Variants in CELSR1 observed in about 807,000 individuals in gnomAD.
CELSR1 encodes cadherin EGF LAG seven-pass G-type receptor 1.
CELSR1 carries 110 observed loss-of-function variants against 249.1 expected under a neutral mutation model. The observed-to-expected ratio is 0.44, with a 90% CI of 0.38 to 0.52. CELSR1 has a LOEUF of 0.52. CELSR1 is among the 20% of genes least tolerant of loss of function. The pLI is 0.00. For missense variants in CELSR1, 4,109 were observed against 4,296.4 expected, an observed-to-expected ratio of 0.96 and a Z score of 1.22; for synonymous variants, 2,113 against 1,900.0, an observed-to-expected ratio of 1.11 and a Z score of -2.92.
intron 20 of CELSR1, among the ~76,000 whole-genome samples, chr22:46,382,711 C>A (rs1439769501): frequency 6.6e-6 from 1 of 152,202 alleles, no homozygotes; most frequent in African/African-American, 2.4e-5. Flanking sequence ...GAATATTACT[C>A]AGCCTTCAAA....
At position 46,395,924 on chromosome 22, in the gene CELSR1, C is replaced by G; in HGVS notation, c.5843+681G>C. Among the ~76,000 whole-genome samples, 1 of 152,214 alleles carries G rather than the reference C, an allele frequency of 6.6e-6. No individual in the cohort carries two copies. Among genetic ancestry groups the G allele is most frequent in the East Asian group, 1.9e-4 (1 of 5,200 alleles). On this transcript the variant is annotated intron_variant, in intron 13 of 34. Transcript: ENST00000674500. The surrounding 1 kb of genome is among the most constrained non-coding windows in gnomAD (Gnocchi z 5.5). ...CTGCCTGTCCTAACCACACTAGGATCTCCGCACACATCAGAAATGACTTCA... is the reference window on the plus strand; with the variant it reads ...CTGCCTGTCCTAACCACACTAGGATGTCCGCACACATCAGAAATGACTTCA...
chr22:46,425,590 C>A (rs927309203), intron 5 of CELSR1, among the ~76,000 whole-genome samples: 1 of 152,082 alleles, frequency 6.6e-6, no homozygotes, highest in Non-Finnish European at 1.5e-5. Flanking sequence ...ATTAATTATT[C>A]CCTTATTACC....
In CELSR1 at chr22:46,428,122, G is replaced by A. The variant is rs1208857466; in HGVS notation, c.4611+5271C>T. On this transcript the variant is annotated intron_variant, in intron 5 of 34. Transcript: ENST00000674500. The surrounding 1 kb of genome is among the most constrained non-coding windows in gnomAD (Gnocchi z 5.7). ...AAATCTCAAAGCACTTACATCCTCT[G>A]CTCAACAGAAGCAGAGGCCGGTCCT... Among the ~76,000 whole-genome samples, 1 of 152,188 alleles carries A rather than the reference G, an allele frequency of 6.6e-6. No individual in the cohort carries two copies. The highest frequency in any genetic ancestry group is 2.4e-5 in the African/African-American group (1 of 41,440).
chr22:46,505,536 G>A (rs573068337), intron 1 of CELSR1, among the ~76,000 whole-genome samples: 1 of 152,058 alleles, frequency 6.6e-6, no homozygotes, highest in East Asian at 1.9e-4. Context: ...TGGGAGGACT[G>A]CTTGAGCCTG....
At chr22:46,495,994 G>A (rs1309467974) in intron 1 of CELSR1, among the ~76,000 whole-genome samples, 1 of 151,886 alleles carries the variant, frequency 6.6e-6, no homozygotes, top group Non-Finnish European at 1.5e-5. Context: ...AGGAGTTCAA[G>A]ACCACCCTGG....
At chr22:46,379,839 C>T (rs575691233) in intron 22 of CELSR1, among the ~76,000 whole-genome samples, 2 of 152,190 alleles carry the variant, frequency 1.3e-5, no homozygotes, top group Admixed American at 6.5e-5. Flanking sequence ...CTCCCCTTCC[C>T]GGCACTCCCT....
intron 2 of CELSR1, among the ~76,000 whole-genome samples, chr22:46,460,567 C>T (rs2080013787): frequency 6.6e-6 from 1 of 152,168 alleles, no homozygotes; most frequent in Non-Finnish European, 1.5e-5. Flanking sequence ...AACACAACTA[C>T]GATGTTTACA....
chr22:46,528,180 C>T (rs1177597076), intron 1 of CELSR1, among the ~76,000 whole-genome samples: 1 of 152,112 alleles, frequency 6.6e-6, no homozygotes, highest in Non-Finnish European at 1.5e-5. Context: ...CCAGACAATG[C>T]CTGAACAGTA....
chr22:46,450,921 C>T (rs928742820), intron 2 of CELSR1, among the ~76,000 whole-genome samples: 2 of 152,230 alleles, frequency 1.3e-5, no homozygotes, highest in African/African-American at 4.8e-5. Flanking sequence ...TGAAACAGCT[C>T]ATTTGGTACG....
rs1296950297 is a variant in CELSR1, at chr22:46,428,701, G to C, written c.4611+4692C>G. On this transcript the variant is annotated intron_variant, in intron 5 of 34. Transcript: ENST00000674500. This position sits in a 1 kb window ranked among gnomAD's most constrained non-coding sequence, Gnocchi z 5.7. ...CGGCAGTGCCCAGGTGGGAAATCCTGACGCGGCTGCTCACCGCCTCCCACA... is the reference window on the plus strand; with the variant it reads ...CGGCAGTGCCCAGGTGGGAAATCCTCACGCGGCTGCTCACCGCCTCCCACA... 6.6e-6 allele frequency among the ~76,000 whole-genome samples: 1 copy of C among 152,228 alleles called. No individual in the cohort carries two copies. Among genetic ancestry groups the C allele is most frequent in the Non-Finnish European group, 1.5e-5 (1 of 68,040 alleles).
chr22:46,381,896 G>T lies in CELSR1; in HGVS notation c.7038C>A (p.Thr2346=), dbSNP rs1316930593. Residue 2346 remains threonine (T), a synonymous_variant, in exon 21 of 35, where the codon ACC becomes ACA. Coordinates refer to ENST00000674500, the MANE Select transcript of CELSR1 (RefSeq NM_001378328.1). This position sits in a 1 kb window ranked among gnomAD's most constrained non-coding sequence, Gnocchi z 6.0. ...AGCGCTCGGGCAGGAGCTGCCCCAG[G>T]GTGCGGTAAATGATGACCAGAGCGA... ...FAVALVIIYR[T]LGQLLPERYD... is the part of the protein sequence containing the mutation. The T allele has an allele frequency of 6.3e-7, 1 of 1,575,536 alleles. No individual in the cohort carries two copies. The highest frequency in any genetic ancestry group is 1.8e-5 in the Admixed American group (1 of 55,048).
chr22:46,377,406 C>T (rs992604830), intron 23 of CELSR1, 145 bp from the exon 24 acceptor site: 5 of 877,606 alleles, frequency 5.7e-6, no homozygotes, highest in African/African-American at 5.0e-5. Context: ...GCCGAGTGCT[C>T]ATGGCTCTGG....
chr22:46,380,979 G>C lies in CELSR1; in HGVS notation c.7089-24C>G. 1 of 1,607,412 alleles carries C rather than the reference G, an allele frequency of 6.2e-7. No homozygotes were observed. Among genetic ancestry groups the C allele is most frequent in the Non-Finnish European group, 8.5e-7 (1 of 1,175,536 alleles). ...ACCTGAGGTCAAGAAGCCAGAGCAT[G>C]GGGACAAACACGGTGAGGAAACATC... is the stretch of plus-strand genomic sequence containing the variant. On this transcript the variant is annotated intron_variant, in intron 21 of 34. Transcript: ENST00000674500. The surrounding 1 kb of genome is among the most constrained non-coding windows in gnomAD (Gnocchi z 5.1).
intron 5 of CELSR1, among the ~76,000 whole-genome samples, chr22:46,416,834 T>C (rs988078967): frequency 1.3e-5 from 2 of 152,148 alleles, no homozygotes; most frequent in Non-Finnish European, 2.9e-5. Flanking sequence ...GCTGGGAGTT[T>C]CTGTGTGCGC....
In CELSR1 at chr22:46,393,812, C is replaced by G. The variant is rs113530356; in HGVS notation, c.5964+330G>C. On this transcript the variant is annotated intron_variant, in intron 14 of 34. Transcript: ENST00000674500. The surrounding 1 kb of genome is among the most constrained non-coding windows in gnomAD (Gnocchi z 4.1). ...GGGCCGGGGTGGTGCCATAGATGAG[C>G]CAGCCCTCAGAAACGGGTGGGCTTC... 0.045 allele frequency among the ~76,000 whole-genome samples: 6,767 copies of G among 151,398 alleles called. 199 individuals are homozygous for G. The highest frequency in any genetic ancestry group is 0.068 in the Non-Finnish European group (4,653 of 67,938).
In CELSR1 at chr22:46,526,333, G is replaced by A. The variant is rs9616040; in HGVS notation, c.3544+7294C>T. 2.0e-5 allele frequency among the ~76,000 whole-genome samples: 3 copies of A among 152,036 alleles called. No homozygotes were observed. The highest frequency in any genetic ancestry group is 1.9e-4 in the East Asian group (1 of 5,190). On this transcript the variant is annotated intron_variant, in intron 1 of 34. Transcript: ENST00000674500. This position sits in a 1 kb window ranked among gnomAD's most constrained non-coding sequence, Gnocchi z 4.7. Reference sequence around the variant, plus strand: ...AGCCCCTGAGACGGGCCAGTGCCACGCTAGGCTGCAGGACAGCTAGGTGCT... The same window carrying A: ...AGCCCCTGAGACGGGCCAGTGCCACACTAGGCTGCAGGACAGCTAGGTGCT...
At chr22:46,529,545 G>A (rs1431635665) in intron 1 of CELSR1, among the ~76,000 whole-genome samples, 11 of 151,626 alleles carry the variant, frequency 7.3e-5, no homozygotes, top group Middle Eastern at 3.4e-3. Flanking sequence ...GCTCACGCCT[G>A]TAATCCCAGC....
In CELSR1 at chr22:46,391,585, G is replaced by T; in HGVS notation, c.6148+48C>A. The T allele has an allele frequency of 2.0e-6, 3 of 1,516,240 alleles. No homozygotes were observed. The highest frequency in any genetic ancestry group is 2.6e-6 in the Non-Finnish European group (3 of 1,141,326). 93.9% of individuals were successfully genotyped at this position (1,516,240 alleles called of 1,614,324 possible). A position where few individuals can be genotyped will look rare whatever the true frequency, so the allele number is the denominator to read the frequency against. ...CACACACGTGCACGCCAGTGCAGCA[G>T]CCTGTCCCCGCGCTGTAACCTGCAG... is the stretch of plus-strand genomic sequence containing the variant. On this transcript the variant is annotated intron_variant, in intron 15 of 34. Coordinates refer to ENST00000674500, the MANE Select transcript of CELSR1 (RefSeq NM_001378328.1). The surrounding 1 kb of genome is among the most constrained non-coding windows in gnomAD (Gnocchi z 4.3).
Position 46,409,972 on chromosome 22 carries a change from G to T in CELSR1, c.4934-92C>A. The stretch of plus-strand genomic sequence containing the variant: ...GTGGCGTGGGAAACCAGGACGGAAT[G>T]GACCCGGGGCTGGACAGAAGTCAGA... On this transcript the variant is annotated intron_variant, in intron 7 of 34. Transcript: ENST00000674500. The surrounding 1 kb of genome is among the most constrained non-coding windows in gnomAD (Gnocchi z 9.8). The T allele has an allele frequency of 6.5e-7, 1 of 1,546,250 alleles. No homozygotes were observed. Among genetic ancestry groups the T allele is most frequent in the Non-Finnish European group, 8.8e-7 (1 of 1,138,014 alleles).
Sources: allele counts gnomAD v4.1 joint callset (sites outside exome capture counted in the v4.1 genomes callset), GRCh38; gene constraint gnomAD v4.1.1; non-coding constraint Gnocchi (gnomAD v3.1); transcripts MANE v1.5; gene names NCBI Gene and HGNC (gene_info 2026-07-23, HGNC 2026-07-21).